Variants in FOXJ3 observed in about 807,000 individuals in gnomAD.
The protein encoded by FOXJ3 is forkhead box protein J3.
A neutral mutation model predicts 76.1 loss-of-function variants in FOXJ3; 22 were observed. The observed-to-expected ratio is 0.29, with a 90% CI of 0.21 to 0.41. FOXJ3 has a LOEUF of 0.41. FOXJ3 is among the 10% of genes least tolerant of loss of function. The pLI, the probability that FOXJ3 is intolerant of heterozygous loss-of-function variation, is 1.00. For synonymous variants in FOXJ3, 269 were observed against 261.2 expected (o/e 1.03, Z -0.29); for missense variants, 613 against 762.1 (o/e 0.80, Z 2.30).
At chr1:42,231,626 G>C (rs1648124652) in intron 4 of FOXJ3, among the ~76,000 whole-genome samples, 1 of 152,132 alleles carries the variant, frequency 6.6e-6, no homozygotes, top group Admixed American at 6.5e-5. Context: ...CAAATGGTAA[G>C]AATTATGTTA....
intron 4 of FOXJ3, among the ~76,000 whole-genome samples, chr1:42,237,385 T>TACATAC (rs1557663149): frequency 7.9e-6 from 1 of 126,348 alleles, no homozygotes; most frequent in African/African-American, 3.0e-5. Context: ...AAAAAATATA[T>TACATAC]ATATATACAT....
intron 4 of FOXJ3, among the ~76,000 whole-genome samples, chr1:42,257,089 T>G (rs1419115243): frequency 6.6e-6 from 1 of 152,252 alleles, no homozygotes; most frequent in African/African-American, 2.4e-5. Context: ...AGATAATGCA[T>G]GTAAAATGGC....
chr1:42,291,813 T>A (rs1176800383), intron 2 of FOXJ3, among the ~76,000 whole-genome samples: 1 of 152,096 alleles, frequency 6.6e-6, no homozygotes, highest in Non-Finnish European at 1.5e-5. Flanking sequence ...ACAGGACTTG[T>A]ATCCAGAAAA....
chr1:42,251,700 GC>G (rs1650067729), intron 4 of FOXJ3, among the ~76,000 whole-genome samples: 1 of 136,322 alleles, frequency 7.3e-6, no homozygotes, highest in African/African-American at 2.8e-5. Context: ...GATTCGGTTT[GC>G]CAGTATTTTT....
At chr1:42,202,666 C>T (rs948609437) in intron 6 of FOXJ3, among the ~76,000 whole-genome samples, 11 of 152,102 alleles carry the variant, frequency 7.2e-5, no homozygotes, top group African/African-American at 2.4e-4. Context: ...TGGGAGTGTA[C>T]AGTAATAAAG....
At chr1:42,258,931 TATAGCTCA>T (rs1271447287) in intron 4 of FOXJ3, among the ~76,000 whole-genome samples, 1 of 152,210 alleles carries the variant, frequency 6.6e-6, no homozygotes, top group African/African-American at 2.4e-5. Flanking sequence ...ACTTGAGTGT[TATAGCTCA>T]ATATCTGTCA....
intron 5 of FOXJ3, among the ~76,000 whole-genome samples, chr1:42,223,822 G>C (rs1647333497): frequency 1.3e-5 from 2 of 152,176 alleles, no homozygotes; most frequent in South Asian, 4.1e-4. Context: ...TTGATTCAGT[G>C]TTGTAGTCTT....
At position 42,205,189 on chromosome 1, in the gene FOXJ3, T is replaced by C. The variant is rs187509110; in HGVS notation, c.630+573A>G. Among the ~76,000 whole-genome samples, 900 of 152,222 alleles carry C rather than the reference T, an allele frequency of 5.9e-3. 2 individuals are homozygous for C. Among genetic ancestry groups the C allele is most frequent in the African/African-American group, 0.02 (826 of 41,534 alleles). ...GATGTAAGATTAAGAAACTGTCTTA[T>C]AAAGAAGAGACAGATATATACCTGT... On this transcript the variant is annotated intron_variant, in intron 6 of 12. Transcript: ENST00000361346.
At chr1:42,218,496 C>T (rs953274786) in intron 5 of FOXJ3, among the ~76,000 whole-genome samples, 26 of 152,172 alleles carry the variant, frequency 1.7e-4, no homozygotes, top group Admixed American at 8.5e-4. Context: ...TCCGCAAGGG[C>T]CAATATGTTT....
chr1:42,308,176 T>C (rs1191802039), intron 2 of FOXJ3, among the ~76,000 whole-genome samples: 7 of 152,142 alleles, frequency 4.6e-5, no homozygotes, highest in African/African-American at 1.7e-4. Context: ...ACCAACTCAT[T>C]TGCTTCCTGT....
chr1:42,263,751 T>C (rs950032072), intron 4 of FOXJ3, among the ~76,000 whole-genome samples: 4 of 152,074 alleles, frequency 2.6e-5, no homozygotes, highest in Admixed American at 2.6e-4. Flanking sequence ...TAACAGAGGA[T>C]ACAGTATATT....
intron 2 of FOXJ3, among the ~76,000 whole-genome samples, chr1:42,297,493 A>G (rs1192907174): frequency 6.6e-6 from 1 of 152,222 alleles, no homozygotes; most frequent in Non-Finnish European, 1.5e-5. Context: ...ATTTTATCAA[A>G]TCACTTTTCT....
chr1:42,251,811 C>T (rs1362226968), intron 4 of FOXJ3, among the ~76,000 whole-genome samples: 3 of 150,140 alleles, frequency 2.0e-5, no homozygotes, highest in Admixed American at 6.6e-5. Context: ...CTCCGCCTCC[C>T]GGGTTCATGC....
At chr1:42,205,548 G>A (rs752920340) in intron 6 of FOXJ3, among the ~76,000 whole-genome samples, 14 of 151,962 alleles carry the variant, frequency 9.2e-5, no homozygotes, top group Admixed American at 3.9e-4. Context: ...AGAACTTCTC[G>A]GTAAGGACCT....
Position 42,332,416 on chromosome 1 carries a change from TAAAC to T in FOXJ3, c.-18+2639_-18+2642del, listed in dbSNP as rs749320304. Among the ~76,000 whole-genome samples the T allele has an allele frequency of 3.9e-5, 6 of 152,300 alleles. No homozygotes were observed. The East Asian group carries it at 5.8e-4, about 15-fold the overall frequency. On this transcript the variant is annotated intron_variant, in intron 1 of 12. Transcript: ENST00000361346. ...ACCTTATTATGAAGATTTAATGAAT[TAAAC>T]AAACGTAGGCGCTTAGAATACCTGT... is the stretch of plus-strand genomic sequence containing the variant.
chr1:42,210,502 C>T (rs1410793337), intron 5 of FOXJ3, among the ~76,000 whole-genome samples: 2 of 152,292 alleles, frequency 1.3e-5, no homozygotes, highest in Admixed American at 1.3e-4. Context: ...ACAACATCTG[C>T]AGGGACAATA....
At chr1:42,259,404 T>C (rs1244656205) in intron 4 of FOXJ3, among the ~76,000 whole-genome samples, 1 of 152,196 alleles carries the variant, frequency 6.6e-6, no homozygotes, top group African/African-American at 2.4e-5. Context: ...ATAATGTTAT[T>C]TTTTTAAAGT....
chr1:42,205,954 T>TC (rs1557636564), intron 5 of FOXJ3, 91 bp from the exon 6 acceptor site: 6 of 693,912 alleles, frequency 8.6e-6, no homozygotes, highest in Non-Finnish European at 2.5e-6. Context: ...TTCTTGAACA[T>TC]CCAGTTTTGT....
chr1:42,289,175 G>A (rs992960175), intron 2 of FOXJ3, among the ~76,000 whole-genome samples: 1 of 151,386 alleles, frequency 6.6e-6, no homozygotes, highest in Non-Finnish European at 1.5e-5. Flanking sequence ...TTAGACATGT[G>A]TCTTAATATA....
Sources: allele counts gnomAD v4.1 joint callset (sites outside exome capture counted in the v4.1 genomes callset), GRCh38; gene constraint gnomAD v4.1.1; transcripts MANE v1.5; gene names NCBI Gene and HGNC (gene_info 2026-07-23, HGNC 2026-07-21).